Variants in SRBD1 observed in about 807,000 individuals in gnomAD.
SRBD1 encodes the protein S1 RNA binding domain 1, also known as S1 RNA-binding domain-containing protein 1.
SRBD1 carries 88 observed loss-of-function variants against 115.3 expected under a neutral mutation model. The ratio of observed to expected loss-of-function variants is 0.76; its 90% CI spans 0.64 to 0.91. The LOEUF (loss-of-function observed/expected upper bound fraction) is 0.91. Among genes scored for constraint, SRBD1 ranks in the 40% least tolerant of loss-of-function variants. SRBD1 has a pLI of 0.00. For synonymous variants in SRBD1, 509 were observed against 407.7 expected (o/e 1.25, Z -2.99); for missense variants, 1,385 against 1,177.4 (o/e 1.18, Z -2.58).
chr2:45,592,056 A>G (rs375013170), intron 4 of SRBD1, among the ~76,000 whole-genome samples: 8 of 152,160 alleles, frequency 5.3e-5, no homozygotes, highest in African/African-American at 1.9e-4. Context: ...GCGATAGTGA[A>G]TAAGTCTCAC....
At chr2:45,541,568 A>G (rs1194595843) in intron 14 of SRBD1, among the ~76,000 whole-genome samples, 3 of 152,218 alleles carry the variant, frequency 2.0e-5, no homozygotes, top group Non-Finnish European at 2.9e-5. Flanking sequence ...AGAAGACCCA[A>G]AGCGGGCAGC....
intron 4 of SRBD1, among the ~76,000 whole-genome samples, chr2:45,592,337 C>T (rs1271470084): frequency 2.6e-5 from 4 of 152,064 alleles, no homozygotes; most frequent in Admixed American, 2.6e-4. Flanking sequence ...AAACACACAC[C>T]ATGTACTCAC....
chr2:45,571,517 CAAAA>C (rs58100763), intron 9 of SRBD1, among the ~76,000 whole-genome samples: 623 of 39,384 alleles, frequency 0.016, 7 homozygotes, highest in African/African-American at 0.053. Flanking sequence ...CAGACTTTAC[CAAAA>C]AAAAAAAAAA....
At chr2:45,432,044 T>TATTG (rs1281367526) in intron 16 of SRBD1, among the ~76,000 whole-genome samples, 4 of 143,506 alleles carry the variant, frequency 2.8e-5, no homozygotes, top group African/African-American at 1.0e-4. Flanking sequence ...TTTATTTATT[T>TATTG]ATTGAGATGG....
At chr2:45,443,698 T>A (rs1668737800) in intron 16 of SRBD1, among the ~76,000 whole-genome samples, 1 of 150,346 alleles carries the variant, frequency 6.7e-6, no homozygotes, top group Non-Finnish European at 1.5e-5. Flanking sequence ...ACCAGTAACA[T>A]CAGGGAATAA....
rs142457500 is a variant in SRBD1, at chr2:45,430,383, A to G, written c.2050-10489T>C. Among the ~76,000 whole-genome samples the G allele has an allele frequency of 6.9e-3, 1,047 of 152,324 alleles. 16 individuals carry two copies. Among genetic ancestry groups the G allele is most frequent in the African/African-American group, 0.024 (997 of 41,562 alleles). On this transcript the variant is annotated intron_variant, in intron 16 of 20. Transcript: ENST00000263736. ...AAAGCTGGAGGCATCACGCTACCTG[A>G]CTTCAAACTATACTACAAGACTATA...
chr2:45,488,279 T>C lies in SRBD1; in HGVS notation c.1927A>G (p.Lys643Glu). 1.2e-6 allele frequency: 2 copies of C among 1,614,074 alleles called. No homozygotes were observed. The highest frequency in any genetic ancestry group is 1.3e-5 in the African/African-American group (1 of 75,044). ...SIYSVSPEAN[K>E]EMPGLDPNLR... ...TTAGGGTCCAGCCCTGGCATCTCTTTGTTAGCTTCAGGGCTGACACTGTAG... is the reference window on the plus strand; with the variant it reads ...TTAGGGTCCAGCCCTGGCATCTCTTCGTTAGCTTCAGGGCTGACACTGTAG... The change falls in exon 15 of 21, where the codon AAA becomes GAA. Residue 643 changes from lysine (K) to glutamate (E), a missense_variant. Transcript: ENST00000263736.
chr2:45,480,642 G>A (rs919277565), intron 15 of SRBD1, among the ~76,000 whole-genome samples: 1 of 152,122 alleles, frequency 6.6e-6, no homozygotes, highest in African/African-American at 2.4e-5. Flanking sequence ...ATCTACTCCT[G>A]GTGAAGATGC....
intron 1 of SRBD1, among the ~76,000 whole-genome samples, chr2:45,607,932 G>A (rs1194458341): frequency 6.6e-6 from 1 of 152,106 alleles, no homozygotes; most frequent in Non-Finnish European, 1.5e-5. Context: ...GCTTTTCTCT[G>A]GAGAATCTAA....
chr2:45,508,377 T>C (rs987519319), intron 14 of SRBD1, among the ~76,000 whole-genome samples: 1 of 152,200 alleles, frequency 6.6e-6, no homozygotes, highest in Non-Finnish European at 1.5e-5. Flanking sequence ...CTATACACAA[T>C]GGCTGAAGAA....
chr2:45,450,343 A>G (rs193028328), intron 16 of SRBD1, among the ~76,000 whole-genome samples: 6 of 152,268 alleles, frequency 3.9e-5, no homozygotes, highest in Non-Finnish European at 7.4e-5. Flanking sequence ...TTCCCTTGAA[A>G]TTGTAGGTAT....
intron 7 of SRBD1, among the ~76,000 whole-genome samples, chr2:45,579,496 T>G (rs1673278526): frequency 6.6e-6 from 1 of 152,162 alleles, no homozygotes; most frequent in South Asian, 2.1e-4. Flanking sequence ...GCTATTATCT[T>G]AAAAGATGAT....
rs139083584 is a variant in SRBD1, at chr2:45,609,059, G to A, written c.-1+2160C>T. On this transcript the variant is annotated intron_variant, in intron 1 of 20. Transcript: ENST00000263736. ...TGGCCTCAGGTGATCTGCCTGCCTC[G>A]GCCTCCCAAAGTGCTGGGATTACAA... Among the ~76,000 whole-genome samples, 1,217 of 152,090 alleles carry A rather than the reference G, an allele frequency of 8.0e-3. 16 individuals carry two copies. Among genetic ancestry groups the A allele is most frequent in the African/African-American group, 0.026 (1,086 of 41,480 alleles).
intron 16 of SRBD1, among the ~76,000 whole-genome samples, chr2:45,468,388 CTTTTT>C (rs80336252): frequency 1.4e-5 from 2 of 139,236 alleles, no homozygotes; most frequent in Non-Finnish European, 1.6e-5. Context: ...CTTCAATGAA[CTTTTT>C]TTTTTTTTTT....
intron 19 of SRBD1, among the ~76,000 whole-genome samples, chr2:45,410,423 C>G (rs1439102539): frequency 6.6e-6 from 1 of 152,182 alleles, no homozygotes; most frequent in African/African-American, 2.4e-5. Flanking sequence ...AACAAAAAAA[C>G]TGCGCAAGAA....
intron 9 of SRBD1, among the ~76,000 whole-genome samples, chr2:45,565,781 C>T (rs1288095007): frequency 1.3e-5 from 2 of 152,032 alleles, no homozygotes; most frequent in Non-Finnish European, 2.9e-5. Flanking sequence ...GAGACAAAAC[C>T]CAATTTATTC....
At chr2:45,495,613 A>C (rs944853097) in intron 14 of SRBD1, among the ~76,000 whole-genome samples, 16 of 152,138 alleles carry the variant, frequency 1.1e-4, no homozygotes, top group African/African-American at 3.6e-4. Flanking sequence ...ACCACTAAGG[A>C]AACTAAAGAA....
intron 16 of SRBD1, among the ~76,000 whole-genome samples, chr2:45,425,205 G>A (rs920729024): frequency 2.6e-5 from 4 of 152,032 alleles, no homozygotes; most frequent in African/African-American, 7.2e-5. Context: ...AAAGTCAAGC[G>A]GCAAGACTGA....
chr2:45,461,227 G>C (rs1669304902), intron 16 of SRBD1, among the ~76,000 whole-genome samples: 1 of 152,178 alleles, frequency 6.6e-6, no homozygotes, highest in East Asian at 1.9e-4. Context: ...AAAACGGATT[G>C]TTATCCTTCC....
Sources: allele counts gnomAD v4.1 joint callset (sites outside exome capture counted in the v4.1 genomes callset), GRCh38; gene constraint gnomAD v4.1.1; transcripts MANE v1.5; gene names NCBI Gene and HGNC (gene_info 2026-07-23, HGNC 2026-07-21).